LINGO2: variants seen among roughly 807,000 people sequenced by gnomAD.
The protein encoded by LINGO2 is leucine rich repeat and Ig domain containing 2, also known as leucine-rich repeat and immunoglobulin-like domain-containing nogo receptor-interacting protein 2.
LINGO2 carries 14 observed loss-of-function variants against 30.6 expected under a neutral mutation model. That is an observed-to-expected ratio of 0.46 (90% CI 0.30 to 0.72). The LOEUF is 0.72. LINGO2 is among the 30% of genes least tolerant of loss of function. The probability of loss-of-function intolerance (pLI) is 0.07; values close to 1 mark genes in which losing one functional copy is unlikely to be tolerated. For synonymous variants in LINGO2, 317 were observed against 288.5 expected, an observed-to-expected ratio of 1.10 and a Z score of -1.00; for missense variants, 729 against 751.7, an observed-to-expected ratio of 0.97 and a Z score of 0.35.
the LINGO2 span, among the ~76,000 whole-genome samples, chr9:29,009,516 C>T: frequency 6.6e-6 from 1 of 152,014 alleles, no homozygotes; most frequent in Admixed American, 6.6e-5. Context: ...AACCACTGCT[C>T]AACGAAATAA....
the LINGO2 span, among the ~76,000 whole-genome samples, chr9:29,031,591 T>C: frequency 6.6e-6 from 1 of 152,086 alleles, no homozygotes; most frequent in Non-Finnish European, 1.5e-5. Flanking sequence ...CTGGTGGTAA[T>C]GTTATTTTTA....
chr9:28,062,881 C>T (rs1825199622), intron 4 of LINGO2, among the ~76,000 whole-genome samples: 1 of 151,874 alleles, frequency 6.6e-6, no homozygotes, highest in Admixed American at 6.6e-5. Flanking sequence ...CATTAGCTGT[C>T]ACTGCACTTC....
chr9:28,275,694 A>T (rs1435446738), intron 4 of LINGO2, among the ~76,000 whole-genome samples: 1 of 152,234 alleles, frequency 6.6e-6, no homozygotes, highest in Non-Finnish European at 1.5e-5. Flanking sequence ...CAAAGTTGAA[A>T]ATTCAAAGTC....
At chr9:28,373,648 C>T (rs10968540) in intron 2 of LINGO2, among the ~76,000 whole-genome samples, 9,793 of 152,118 alleles carry the variant, frequency 0.064, 416 homozygotes, top group East Asian at 0.16. Flanking sequence ...GCCTGTAATC[C>T]GAGCACTTTG....
At chr9:28,378,004 T>G (rs560760847) in intron 2 of LINGO2, among the ~76,000 whole-genome samples, 38 of 152,330 alleles carry the variant, frequency 2.5e-4, no homozygotes, top group African/African-American at 8.9e-4. Flanking sequence ...AAATTCTACA[T>G]CAAGTCTTTT....
At chr9:28,954,581 T>A in the LINGO2 span, among the ~76,000 whole-genome samples, 2 of 152,192 alleles carry the variant, frequency 1.3e-5, no homozygotes, top group South Asian at 4.1e-4. Flanking sequence ...CTGGAAATTT[T>A]ACCTACCATT....
intron 4 of LINGO2, among the ~76,000 whole-genome samples, chr9:28,144,613 T>C (rs1827762211): frequency 6.6e-6 from 1 of 152,212 alleles, no homozygotes; most frequent in African/African-American, 2.4e-5. Flanking sequence ...GTATTTTCAG[T>C]TCAGTTCCCT....
intron 1 of LINGO2, among the ~76,000 whole-genome samples, chr9:28,608,342 C>CA (rs925273345): frequency 6.7e-5 from 10 of 149,768 alleles, no homozygotes; most frequent in East Asian, 2.0e-4. Flanking sequence ...CATTATTTTT[C>CA]AAAAAAAAAG....
intron 4 of LINGO2, among the ~76,000 whole-genome samples, chr9:28,081,350 T>C (rs1825768443): frequency 6.6e-6 from 1 of 150,712 alleles, no homozygotes; most frequent in African/African-American, 2.4e-5. Flanking sequence ...ATAGACAAAA[T>C]TATTTGTAAT....
chr9:28,599,702 A>C (rs1386899027), intron 1 of LINGO2, among the ~76,000 whole-genome samples: 2 of 152,144 alleles, frequency 1.3e-5, no homozygotes, highest in African/African-American at 4.8e-5. Context: ...GGATTTGTTT[A>C]TTGTTTACCC....
chr9:28,510,533 T>G (rs1045413724), intron 1 of LINGO2, among the ~76,000 whole-genome samples: 3 of 151,986 alleles, frequency 2.0e-5, no homozygotes, highest in African/African-American at 7.2e-5. Flanking sequence ...TTGATCTTGC[T>G]GTGTCAGGGG....
At chr9:28,900,451 A>G in the LINGO2 span, among the ~76,000 whole-genome samples, 1 of 152,196 alleles carries the variant, frequency 6.6e-6, no homozygotes, top group Non-Finnish European at 1.5e-5. Context: ...TACAGGCTCC[A>G]GCCAGCCTCA....
intron 4 of LINGO2, among the ~76,000 whole-genome samples, chr9:28,176,101 A>G (rs79943629): frequency 0.052 from 7,929 of 152,302 alleles, 278 homozygotes; most frequent in Admixed American, 0.092. Flanking sequence ...CTTAAGTATT[A>G]TGCTCAAAAT....
chr9:29,101,844 C>G, the LINGO2 span, among the ~76,000 whole-genome samples: 1 of 152,138 alleles, frequency 6.6e-6, no homozygotes, highest in East Asian at 1.9e-4. Context: ...CAAATCTTGG[C>G]TGTTGTGAAT....
chr9:28,617,462 A>C (rs1276038855), intron 1 of LINGO2, among the ~76,000 whole-genome samples: 1 of 151,642 alleles, frequency 6.6e-6, no homozygotes, highest in Admixed American at 6.6e-5. Context: ...CTCCTGGCTA[A>C]TTTTTTGTAT....
chr9:28,935,663 G>C, the LINGO2 span, among the ~76,000 whole-genome samples: 1 of 150,728 alleles, frequency 6.6e-6, no homozygotes, highest in Non-Finnish European at 1.5e-5. Flanking sequence ...AAATATATAT[G>C]TTATAGAGTC....
the LINGO2 span, among the ~76,000 whole-genome samples, chr9:28,898,840 A>G: frequency 4.3e-3 from 648 of 152,242 alleles, 5 homozygotes; most frequent in African/African-American, 0.014. Flanking sequence ...GTGTCTGGTA[A>G]TAAAATAATC....
At chr9:28,187,974 C>T (rs7045929) in intron 4 of LINGO2, among the ~76,000 whole-genome samples, 108,252 of 152,022 alleles carry the variant, frequency 0.71, 38,740 homozygotes, top group Admixed American at 0.77. Context: ...GTTCTCGTCA[C>T]CTCAGACATT....
rs536070745 is a variant in LINGO2 at position 28,346,721 on chromosome 9, C to T, written c.-246+26115G>A. ...ATGTTATTTTTGATTTTTTAATAGC[C>T]ATTCTGACTGGTGTGGGATCATAGC... is the stretch of plus-strand genomic sequence containing the variant. On this transcript the variant is annotated intron_variant, in intron 3 of 5. Transcript: ENST00000379992. Among the ~76,000 whole-genome samples the T allele has an allele frequency of 2.6e-5, 4 of 152,138 alleles. No individual in the cohort carries two copies. The South Asian group carries it at 6.2e-4, about 24-fold the overall frequency.
Sources: allele counts gnomAD v4.1 joint callset (sites outside exome capture counted in the v4.1 genomes callset), GRCh38; gene constraint gnomAD v4.1.1; transcripts MANE v1.5; gene names NCBI Gene and HGNC (gene_info 2026-07-23, HGNC 2026-07-21).